TRERF1: variants seen among roughly 807,000 people sequenced by gnomAD.
The protein encoded by TRERF1 is transcriptional-regulating factor 1.
Under a neutral mutation model 122.9 loss-of-function variants are expected in TRERF1, and 27 were observed. The observed-to-expected ratio is 0.22, with a 90% CI of 0.16 to 0.30. The LOEUF (loss-of-function observed/expected upper bound fraction) is 0.30, where lower values mean the gene tolerates loss of function less well. TRERF1 is among the 10% of genes least tolerant of loss of function. The probability of loss-of-function intolerance (pLI) is 1.00; values close to 1 mark genes in which losing one functional copy is unlikely to be tolerated. For missense variants in TRERF1, 1,248 were observed against 1,560.3 expected (o/e 0.80, Z 3.37); for synonymous variants, 636 against 641.7 (o/e 0.99, Z 0.13).
intron 2 of TRERF1, among the ~76,000 whole-genome samples, chr6:42,431,979 A>T (rs1582196516): frequency 6.6e-6 from 1 of 152,230 alleles, no homozygotes; most frequent in African/African-American, 2.4e-5. Flanking sequence ...AATAAATGAG[A>T]ACGATGAGCT....
intron 2 of TRERF1, among the ~76,000 whole-genome samples, chr6:42,440,788 G>A (rs1786372038): frequency 6.6e-6 from 1 of 152,132 alleles, no homozygotes; most frequent in Non-Finnish European, 1.5e-5. Context: ...AATCCAACAA[G>A]CAGCTTTTAA....
At chr6:42,328,923 A>G (rs898952152) in intron 3 of TRERF1, among the ~76,000 whole-genome samples, 6 of 152,136 alleles carry the variant, frequency 3.9e-5, no homozygotes, top group Non-Finnish European at 7.4e-5. Context: ...CTCCCTGACC[A>G]GGTCTCCGGG....
At chr6:42,256,613 G>T (rs1037820874) in intron 12 of TRERF1, 115 bp downstream of exon 12, 1 of 821,764 alleles carries the variant, frequency 1.2e-6, no homozygotes, top group Non-Finnish European at 2.0e-6. Context: ...GTGCTGATTG[G>T]TCATCATGCG....
In TRERF1 at chr6:42,360,770, T is replaced by TAAAAAAA. The variant is rs1491517636; in HGVS notation, c.-371+2226_-371+2227insTTTTTTT. The stretch of plus-strand genomic sequence containing the variant: ...ACCCAGGGAGGAAGGAGTGGAGAGA[T>TAAAAAAA]TAAAAAAAAAAAAAAAAAAAAAAAA... On this transcript the variant is annotated intron_variant, in intron 3 of 17. Coordinates refer to ENST00000372922, the Ensembl canonical transcript of TRERF1. 2.0e-3 allele frequency among the ~76,000 whole-genome samples: 126 copies of TAAAAAAA among 64,098 alleles called. 20 individuals are homozygous for TAAAAAAA. The highest frequency in any genetic ancestry group is 5.5e-3 in the African/African-American group (119 of 21,632). 42.1% of individuals were successfully genotyped at this position (64,098 alleles called of 152,430 possible).
chr6:42,440,943 G>A (rs1786400413), intron 2 of TRERF1, among the ~76,000 whole-genome samples: 1 of 152,148 alleles, frequency 6.6e-6, no homozygotes, highest in Admixed American at 6.6e-5. Context: ...CGTGCGCTAA[G>A]CTCTGTTAAT....
intron 2 of TRERF1, among the ~76,000 whole-genome samples, chr6:42,379,423 C>T (rs150805063): frequency 2.3e-3 from 348 of 152,230 alleles, no homozygotes; most frequent in African/African-American, 7.7e-3. Context: ...GCCTGGAGGC[C>T]TTTCATTTCC....
intron 3 of TRERF1, among the ~76,000 whole-genome samples, chr6:42,313,981 C>T (rs549588284): frequency 4.0e-5 from 6 of 151,710 alleles, no homozygotes; most frequent in African/African-American, 1.2e-4. Flanking sequence ...GACCGGAAGC[C>T]GGGAGAGATG....
intron 3 of TRERF1, among the ~76,000 whole-genome samples, chr6:42,304,739 C>T (rs1445231105): frequency 1.3e-5 from 2 of 152,202 alleles, no homozygotes; most frequent in African/African-American, 2.4e-5. Flanking sequence ...AAAAAACTCT[C>T]CAGACATTGC....
At chr6:42,421,805 A>T (rs182890083) in intron 2 of TRERF1, among the ~76,000 whole-genome samples, 42 of 152,060 alleles carry the variant, frequency 2.8e-4, no homozygotes, top group African/African-American at 9.2e-4. Flanking sequence ...ATTAAATTAA[A>T]TAAATAAAAT....
At chr6:42,374,783 G>A (rs9471849) in intron 2 of TRERF1, among the ~76,000 whole-genome samples, 3,250 of 152,074 alleles carry the variant, frequency 0.021, 92 homozygotes, top group African/African-American at 0.061. Context: ...TGACATGGGT[G>A]GATTGCCTGA....
intron 2 of TRERF1, among the ~76,000 whole-genome samples, chr6:42,382,333 G>T (rs1776086490): frequency 6.6e-6 from 1 of 151,050 alleles, no homozygotes; most frequent in African/African-American, 2.4e-5. Context: ...CCAGCCTCAG[G>T]TTAAAACATT....
intron 2 of TRERF1, among the ~76,000 whole-genome samples, chr6:42,449,814 G>A (rs1376023451): frequency 6.6e-6 from 1 of 152,100 alleles, no homozygotes; most frequent in African/African-American, 2.4e-5. Context: ...AGTTAGGAAA[G>A]AAAAAAAGCA....
At position 42,259,535 on chromosome 6, in the gene TRERF1, G is replaced by T; in HGVS notation, c.2073C>A (p.Arg691=). ...CCAGGAGCAGGTGGTCCCCGAGGACGCGCGGGGAGCGCAGCTGGCTCTGGT... is the reference window on the plus strand; with the variant it reads ...CCAGGAGCAGGTGGTCCCCGAGGACTCGCGGGGAGCGCAGCTGGCTCTGGT... The change falls in exon 9 of 18, where the codon CGC becomes CGA. Residue 691 remains arginine, a synonymous_variant. Transcript: ENST00000372922. The surrounding 1 kb of genome is among the most constrained non-coding windows in gnomAD (Gnocchi z 4.9). 6.2e-7 allele frequency: 1 copy of T among 1,613,390 alleles called. No homozygotes were observed. Among genetic ancestry groups the T allele is most frequent in the Non-Finnish European group, 8.5e-7 (1 of 1,179,750 alleles).
chr6:42,358,803 T>C (rs867231120), intron 3 of TRERF1, among the ~76,000 whole-genome samples: 54 of 142,132 alleles, frequency 3.8e-4, no homozygotes, highest in Middle Eastern at 7.1e-3. Context: ...TTTTTTTTTT[T>C]CTCCTAGTGC....
intron 4 of TRERF1, among the ~76,000 whole-genome samples, chr6:42,283,350 G>A (rs865854823): frequency 5.9e-5 from 9 of 152,052 alleles, no homozygotes; most frequent in African/African-American, 2.2e-4. Context: ...TAGAGAGTAG[G>A]GAATTTGCAA....
At chr6:42,233,785 C>G (rs966126898) in intron 16 of TRERF1, among the ~76,000 whole-genome samples, 5 of 152,226 alleles carry the variant, frequency 3.3e-5, no homozygotes, top group African/African-American at 1.2e-4. Flanking sequence ...CTATCTACCC[C>G]GAGGAAGCCC....
intron 2 of TRERF1, among the ~76,000 whole-genome samples, chr6:42,445,353 G>GACACACACAC (rs57862861): frequency 1.2e-5 from 1 of 86,630 alleles, no homozygotes; most frequent in African/African-American, 3.3e-5. Flanking sequence ...TACACACACA[G>GACACACACAC]ACACACACAC....
At chr6:42,240,967 A>G (rs1023040775) in intron 15 of TRERF1, among the ~76,000 whole-genome samples, 16 of 151,894 alleles carry the variant, frequency 1.1e-4, no homozygotes, top group Non-Finnish European at 2.4e-4. Flanking sequence ...ATCTCTGCTC[A>G]CTGCAACCTC....
intron 3 of TRERF1, among the ~76,000 whole-genome samples, chr6:42,307,711 G>T (rs900968693): frequency 6.6e-6 from 1 of 150,522 alleles, no homozygotes; most frequent in Non-Finnish European, 1.5e-5. Flanking sequence ...AAAAAGATCC[G>T]ATCGCTATTA....
Sources: allele counts gnomAD v4.1 joint callset (sites outside exome capture counted in the v4.1 genomes callset), GRCh38; gene constraint gnomAD v4.1.1; non-coding constraint Gnocchi (gnomAD v3.1); transcripts MANE v1.5; gene names NCBI Gene and HGNC (gene_info 2026-07-23, HGNC 2026-07-21).